Variants in HPSE2 observed in about 807,000 individuals in gnomAD.
HPSE2 encodes heparanase 2 (inactive).
In HPSE2, 38 loss-of-function variants were observed where a neutral mutation model predicts 60.5. That is an observed-to-expected ratio of 0.63 (90% CI 0.48 to 0.82). The LOEUF (loss-of-function observed/expected upper bound fraction) is 0.82, where lower values mean the gene tolerates loss of function less well. Ranked by LOEUF, HPSE2 falls within the 40% of genes least tolerant of loss-of-function variation. The pLI, the probability that HPSE2 is intolerant of heterozygous loss-of-function variation, is 0.00. For synonymous variants in HPSE2, 295 were observed against 293.2 expected (o/e 1.01, Z -0.06); for missense variants, 713 against 740.4 (o/e 0.96, Z 0.43).
intron 3 of HPSE2, chr10:99,014,018 G>C: frequency 7.0e-6 from 2 of 285,474 alleles, no homozygotes; most frequent in East Asian, 1.3e-4. Flanking sequence ...AGGCTAAGGG[G>C]GTGGCAGAGA....
At chr10:99,113,619 C>A (rs1336190481) in intron 3 of HPSE2, among the ~76,000 whole-genome samples, 1 of 151,974 alleles carries the variant, frequency 6.6e-6, no homozygotes, top group Non-Finnish European at 1.5e-5. Flanking sequence ...GTTCAAAAAC[C>A]ATTTTGCTCC....
At chr10:99,188,374 A>C (rs1228411967) in intron 2 of HPSE2, among the ~76,000 whole-genome samples, 1 of 152,220 alleles carries the variant, frequency 6.6e-6, no homozygotes, top group African/African-American at 2.4e-5. Context: ...GAACATATTT[A>C]TCAAAACTCA....
chr10:98,720,202 T>C (rs1312346771), intron 5 of HPSE2, among the ~76,000 whole-genome samples: 1 of 152,022 alleles, frequency 6.6e-6, no homozygotes, highest in Admixed American at 6.6e-5. Context: ...AATAACGAAT[T>C]GAGTGTGTGA....
At chr10:98,573,855 C>G (rs1037653834) in intron 9 of HPSE2, among the ~76,000 whole-genome samples, 2 of 152,108 alleles carry the variant, frequency 1.3e-5, no homozygotes, top group Non-Finnish European at 2.9e-5. Flanking sequence ...AATGAGAATA[C>G]TACTGTATTT....
intron 3 of HPSE2, among the ~76,000 whole-genome samples, chr10:99,100,141 A>C (rs1843895572): frequency 1.3e-5 from 2 of 152,242 alleles, no homozygotes; most frequent in African/African-American, 4.8e-5. Context: ...AGCTGGGTGG[A>C]GAATGACTTT....
chr10:99,311,690 C>CTACAACGG, the HPSE2 span, among the ~76,000 whole-genome samples: 7 of 152,116 alleles, frequency 4.6e-5, no homozygotes, highest in Non-Finnish European at 8.8e-5. Context: ...AATAATAACC[C>CTACAACGG]TACAACGGCC....
At chr10:99,115,122 T>A (rs1340403011) in intron 3 of HPSE2, among the ~76,000 whole-genome samples, 1 of 150,068 alleles carries the variant, frequency 6.7e-6, no homozygotes, top group Admixed American at 6.7e-5. Flanking sequence ...AAGCTGGGAC[T>A]ATACACATGC....
At chr10:98,873,054 C>T (rs923135731) in intron 3 of HPSE2, among the ~76,000 whole-genome samples, 3 of 152,014 alleles carry the variant, frequency 2.0e-5, no homozygotes, top group Non-Finnish European at 4.4e-5. Context: ...AGAGCCATCA[C>T]GGTTACAAGG....
chr10:99,186,830 G>T (rs1390271860), intron 2 of HPSE2, among the ~76,000 whole-genome samples: 2 of 152,054 alleles, frequency 1.3e-5, no homozygotes, highest in African/African-American at 2.4e-5. Flanking sequence ...AGGCTGGAGT[G>T]CAGTAACACA....
intron 3 of HPSE2, among the ~76,000 whole-genome samples, chr10:98,772,537 G>C (rs557674496): frequency 6.6e-6 from 1 of 152,148 alleles, no homozygotes. Context: ...CTAAGGAAAA[G>C]GAGAAAACAA....
chr10:98,819,180 A>G lies in HPSE2; in HGVS notation c.611-75124T>C, dbSNP rs141338479. Among the ~76,000 whole-genome samples, 555 of 151,558 alleles carry G rather than the reference A, an allele frequency of 3.7e-3. 3 individuals are homozygous for G. The highest frequency in any genetic ancestry group is 0.013 in the African/African-American group (536 of 41,342). On this transcript the variant is annotated intron_variant, in intron 3 of 11. Transcript: ENST00000370552. ...AGACTGAGGGTGCTCCAAAAAACCTACAGGCGATCTTTCAATCTTGTCTCT... is the reference window on the plus strand; with the variant it reads ...AGACTGAGGGTGCTCCAAAAAACCTGCAGGCGATCTTTCAATCTTGTCTCT...
At chr10:99,229,182 A>T (rs2133945231) in intron 2 of HPSE2, among the ~76,000 whole-genome samples, 1 of 152,224 alleles carries the variant, frequency 6.6e-6, no homozygotes, top group African/African-American at 2.4e-5. Context: ...CGAAAAAAAA[A>T]AAAAAACTTA....
the HPSE2 span, among the ~76,000 whole-genome samples, chr10:99,304,636 T>C: frequency 6.6e-6 from 1 of 152,156 alleles, no homozygotes; most frequent in Non-Finnish European, 1.5e-5. Flanking sequence ...GAAACAAAAT[T>C]CCAGAGAGCA....
intron 9 of HPSE2, among the ~76,000 whole-genome samples, chr10:98,541,913 G>A (rs2133825682): frequency 6.6e-6 from 1 of 152,240 alleles, no homozygotes; most frequent in African/African-American, 2.4e-5. Context: ...CAAAAAGACA[G>A]CAGTAACCTC....
At chr10:99,286,357 T>C in the HPSE2 span, among the ~76,000 whole-genome samples, 1 of 152,200 alleles carries the variant, frequency 6.6e-6, no homozygotes, top group Non-Finnish European at 1.5e-5. Context: ...AATAAAATCT[T>C]ATATATGTAC....
At chr10:98,839,858 G>C (rs1040897060) in intron 3 of HPSE2, among the ~76,000 whole-genome samples, 2 of 152,156 alleles carry the variant, frequency 1.3e-5, no homozygotes, top group Admixed American at 6.5e-5. Flanking sequence ...ATGGAGGAGA[G>C]AGTGATGATG....
chr10:99,079,201 A>AAT (rs1235288175), intron 3 of HPSE2, among the ~76,000 whole-genome samples: 2 of 152,130 alleles, frequency 1.3e-5, no homozygotes, highest in African/African-American at 4.8e-5. Flanking sequence ...GCAAGAAAGA[A>AAT]ATCATTCTTT....
chr10:98,999,953 G>A (rs1482779930), intron 3 of HPSE2, among the ~76,000 whole-genome samples: 1 of 152,098 alleles, frequency 6.6e-6, no homozygotes, highest in African/African-American at 2.4e-5. Flanking sequence ...ATGAATTAGT[G>A]GAGAAAGAAT....
intron 3 of HPSE2, among the ~76,000 whole-genome samples, chr10:99,056,628 T>C (rs1281644193): frequency 6.6e-6 from 1 of 152,144 alleles, no homozygotes; most frequent in East Asian, 1.9e-4. Context: ...CCCTAAAAAT[T>C]AGTTGATGTG....
Sources: allele counts gnomAD v4.1 joint callset (sites outside exome capture counted in the v4.1 genomes callset), GRCh38; gene constraint gnomAD v4.1.1; transcripts MANE v1.5; gene names NCBI Gene and HGNC (gene_info 2026-07-23, HGNC 2026-07-21).